Variants in GHR observed in about 807,000 individuals in gnomAD.
The protein encoded by GHR is growth hormone receptor.
Under a neutral mutation model 67.1 loss-of-function variants are expected in GHR, and 35 were observed. The ratio of observed to expected loss-of-function variants is 0.52; its 90% confidence interval spans 0.40 to 0.69. GHR has a LOEUF of 0.69. Ranked by LOEUF, GHR falls within the 30% of genes least tolerant of loss-of-function variation. The pLI, the probability that GHR is intolerant of heterozygous loss-of-function variation, is 0.00. For synonymous variants in GHR, 272 were observed against 269.1 expected (o/e 1.01, Z -0.10); for missense variants, 792 against 764.6 (o/e 1.04, Z -0.42).
intron 2 of GHR, among the ~76,000 whole-genome samples, chr5:42,627,487 T>A (rs1580083217): frequency 6.6e-6 from 1 of 152,172 alleles, no homozygotes; most frequent in Non-Finnish European, 1.5e-5. Flanking sequence ...CCATAACAGG[T>A]GTTAGCAGAA....
chr5:42,509,366 T>C (rs772920724), intron 1 of GHR, among the ~76,000 whole-genome samples: 1 of 152,160 alleles, frequency 6.6e-6, no homozygotes, highest in African/African-American at 2.4e-5. Flanking sequence ...ATGTGACAAC[T>C]CCTCTATCCT....
intron 2 of GHR, among the ~76,000 whole-genome samples, chr5:42,570,074 G>A (rs9292853): frequency 0.99 from 150,361 of 152,302 alleles, 74,345 homozygotes; most frequent in Middle Eastern, 1. Context: ...CCACAGTTGA[G>A]GTTCCACAGA....
chr5:42,509,316 T>A (rs1209899269), intron 1 of GHR, among the ~76,000 whole-genome samples: 1 of 152,230 alleles, frequency 6.6e-6, no homozygotes, highest in Admixed American at 6.5e-5. Context: ...ACTCTCCATA[T>A]TTCTTGAATC....
At chr5:42,678,270 T>C (rs1289406469) in intron 3 of GHR, among the ~76,000 whole-genome samples, 1 of 152,198 alleles carries the variant, frequency 6.6e-6, no homozygotes, top group Non-Finnish European at 1.5e-5. Flanking sequence ...AGTAATTTCC[T>C]GGTAGCTTCT....
intron 4 of GHR, among the ~76,000 whole-genome samples, chr5:42,694,663 C>G (rs1757582188): frequency 6.6e-6 from 1 of 152,154 alleles, no homozygotes; most frequent in Non-Finnish European, 1.5e-5. Context: ...GATTTATGAG[C>G]AGGCATAGCA....
At chr5:42,613,542 A>G (rs1752989025) in intron 2 of GHR, among the ~76,000 whole-genome samples, 1 of 152,148 alleles carries the variant, frequency 6.6e-6, no homozygotes, top group South Asian at 2.1e-4. Context: ...GGAAAGCTGC[A>G]CAGTTGGGAA....
At chr5:42,465,876 C>A in intron 1 of GHR, 1 of 725,734 alleles carries the variant, frequency 1.4e-6, no homozygotes. Context: ...TCGCCTCCTT[C>A]ACCCCTTTCA....
chr5:42,640,554 C>A (rs898080426), intron 3 of GHR, among the ~76,000 whole-genome samples: 8 of 151,956 alleles, frequency 5.3e-5, no homozygotes, highest in Non-Finnish European at 8.8e-5. Flanking sequence ...CCTCATTCAC[C>A]AAAACTTATC....
intron 3 of GHR, among the ~76,000 whole-genome samples, chr5:42,641,796 T>A (rs1754489491): frequency 6.6e-6 from 1 of 152,136 alleles, no homozygotes; most frequent in Admixed American, 6.5e-5. Context: ...TAGAGTATAG[T>A]CAGCCTCACT....
intron 1 of GHR, among the ~76,000 whole-genome samples, chr5:42,486,214 A>G (rs535453714): frequency 2.0e-5 from 3 of 152,220 alleles, no homozygotes; most frequent in South Asian, 2.1e-4. Context: ...TCTTCTCTGG[A>G]TATTTATCCT....
chr5:42,473,113 T>C (rs886211419), intron 1 of GHR, among the ~76,000 whole-genome samples: 5 of 152,146 alleles, frequency 3.3e-5, no homozygotes, highest in African/African-American at 7.2e-5. Context: ...TATAAGTCTG[T>C]GTTGGGTGTA....
At chr5:42,699,715 G>T in intron 5 of GHR, 109 bp from the exon 6 acceptor site, 1 of 784,692 alleles carries the variant, frequency 1.3e-6, no homozygotes, top group Non-Finnish European at 2.3e-6. Flanking sequence ...AGAAATAAGA[G>T]CATGAATGAT....
intron 3 of GHR, among the ~76,000 whole-genome samples, chr5:42,657,174 A>G (rs945998630): frequency 1.3e-5 from 2 of 152,136 alleles, no homozygotes; most frequent in Non-Finnish European, 1.5e-5. Context: ...TTTAGTGACC[A>G]TGATTTTTTC....
Position 42,424,616 on chromosome 5 carries a change from C to G in GHR, c.-12+661C>G, listed in dbSNP as rs1187194976. The G allele has an allele frequency of 6.5e-7, 1 of 1,532,254 alleles. No homozygotes were observed. The highest frequency in any genetic ancestry group is 8.7e-7 in the Non-Finnish European group (1 of 1,143,868). 94.9% of individuals were successfully genotyped at this position (1,532,254 alleles called of 1,614,324 possible). ...GAACTGGGGTAAGTGGAAATTGTGG[C>G]GAGCCGACCTCCCCCAGCTTTTGAC... is the stretch of plus-strand genomic sequence containing the variant. On this transcript the variant is annotated intron_variant, in intron 1 of 9. Coordinates refer to ENST00000230882, the MANE Select transcript of GHR (RefSeq NM_000163.5). The surrounding 1 kb of genome is among the most constrained non-coding windows in gnomAD (Gnocchi z 4.1).
intron 2 of GHR, among the ~76,000 whole-genome samples, chr5:42,571,793 C>T (rs187564100): frequency 1.2e-4 from 18 of 152,288 alleles, no homozygotes; most frequent in Admixed American, 2.0e-4. Flanking sequence ...AGAATGTTTC[C>T]ACACCACTTT....
chr5:42,605,954 G>T (rs1160320303), intron 2 of GHR, among the ~76,000 whole-genome samples: 3 of 152,276 alleles, frequency 2.0e-5, no homozygotes, highest in East Asian at 3.9e-4. Flanking sequence ...GGGTGTTTTT[G>T]CTTGCTCACT....
chr5:42,464,921 T>A (rs1339050011), intron 1 of GHR, among the ~76,000 whole-genome samples: 1 of 152,174 alleles, frequency 6.6e-6, no homozygotes, highest in East Asian at 1.9e-4. Flanking sequence ...ACTGTTTAAA[T>A]GGTGCACTGG....
At chr5:42,483,578 T>C (rs1269822542) in intron 1 of GHR, among the ~76,000 whole-genome samples, 1 of 151,956 alleles carries the variant, frequency 6.6e-6, no homozygotes, top group Non-Finnish European at 1.5e-5. Context: ...TATTGAGGAA[T>C]AGGGAAGTCA....
chr5:42,700,053 ACTCT>A (rs773903591), intron 6 of GHR, 51 bp downstream of exon 6: 3 of 1,087,310 alleles, frequency 2.8e-6, no homozygotes, highest in Non-Finnish European at 2.8e-6. Context: ...ATTTCAACAA[ACTCT>A]CTCTCATTTA....
Sources: allele counts gnomAD v4.1 joint callset (sites outside exome capture counted in the v4.1 genomes callset), GRCh38; gene constraint gnomAD v4.1.1; non-coding constraint Gnocchi (gnomAD v3.1); transcripts MANE v1.5; gene names NCBI Gene and HGNC (gene_info 2026-07-23, HGNC 2026-07-21).